Variants in UNC5D observed in about 807,000 individuals in gnomAD.
UNC5D encodes the protein unc-5 netrin receptor D.
UNC5D carries 39 observed loss-of-function variants against 105.4 expected under a neutral mutation model. The ratio of observed to expected loss-of-function variants is 0.37; its 90% CI spans 0.29 to 0.48. The LOEUF (loss-of-function observed/expected upper bound fraction) is 0.48. Ranked by LOEUF, UNC5D falls within the 20% of genes least tolerant of loss-of-function variation. The pLI is 0.98. For missense variants in UNC5D, 991 were observed against 1,202.4 expected (o/e 0.82, Z 2.60); for synonymous variants, 452 against 450.4 (o/e 1.00, Z -0.04).
intron 1 of UNC5D, among the ~76,000 whole-genome samples, chr8:35,547,305 T>TTA (rs398007486): frequency 1.4e-5 from 2 of 147,082 alleles, no homozygotes; most frequent in African/African-American, 2.6e-5. Context: ...TTTTTTTTTT[T>TTA]AATTGAGACA....
At chr8:35,710,025 G>C (rs1456200372) in intron 8 of UNC5D, among the ~76,000 whole-genome samples, 3 of 152,312 alleles carry the variant, frequency 2.0e-5, no homozygotes, top group Admixed American at 2.0e-4. Flanking sequence ...AAACCATTCA[G>C]GGCTTTTATT....
At chr8:35,380,317 C>A (rs534201617) in intron 1 of UNC5D, among the ~76,000 whole-genome samples, 1 of 151,488 alleles carries the variant, frequency 6.6e-6, no homozygotes, top group East Asian at 2.0e-4. Context: ...TGCATTTAAA[C>A]CTAATTATTT....
At chr8:35,669,002 G>A (rs543302909) in intron 4 of UNC5D, among the ~76,000 whole-genome samples, 1 of 151,686 alleles carries the variant, frequency 6.6e-6, no homozygotes. Context: ...CTTTTCTTCA[G>A]TGGTGTGTCC....
intron 1 of UNC5D, among the ~76,000 whole-genome samples, chr8:35,261,497 T>C (rs1253102287): frequency 6.6e-6 from 1 of 152,152 alleles, no homozygotes; most frequent in African/African-American, 2.4e-5. Flanking sequence ...ATAAATAGAA[T>C]CCAAAAGGTA....
At chr8:35,778,445 C>T (rs1179057372) in intron 16 of UNC5D, among the ~76,000 whole-genome samples, 2 of 152,122 alleles carry the variant, frequency 1.3e-5, no homozygotes, top group Admixed American at 6.6e-5. Context: ...CTTATGAGTC[C>T]AAATAATGTA....
chr8:35,413,945 T>C (rs573246020), intron 1 of UNC5D, among the ~76,000 whole-genome samples: 8 of 152,242 alleles, frequency 5.3e-5, no homozygotes, highest in African/African-American at 1.9e-4. Context: ...ACAACCATCT[T>C]GAGGGCTTTT....
chr8:35,692,522 GTT>G (rs1318380203), intron 7 of UNC5D, among the ~76,000 whole-genome samples: 1 of 152,076 alleles, frequency 6.6e-6, no homozygotes, highest in Non-Finnish European at 1.5e-5. Context: ...TACTTCTTTT[GTT>G]TATGGGATTA....
intron 1 of UNC5D, among the ~76,000 whole-genome samples, chr8:35,546,562 G>A (rs1815697188): frequency 6.6e-6 from 1 of 152,170 alleles, no homozygotes; most frequent in African/African-American, 2.4e-5. Context: ...TTATCAAGTG[G>A]TCCTTTTATG....
intron 1 of UNC5D, among the ~76,000 whole-genome samples, chr8:35,443,053 T>A (rs1046936319): frequency 4.6e-5 from 7 of 151,838 alleles, no homozygotes; most frequent in Non-Finnish European, 4.4e-5. Flanking sequence ...CAACCAGTAA[T>A]TCAGAGAGGA....
chr8:35,400,225 C>CT (rs200437199), intron 1 of UNC5D, among the ~76,000 whole-genome samples: 63 of 148,168 alleles, frequency 4.3e-4, no homozygotes, highest in African/African-American at 7.9e-4. Context: ...AGTTGAGATC[C>CT]TTTTTTTTTT....
chr8:35,650,809 A>G (rs1374718416), intron 4 of UNC5D, among the ~76,000 whole-genome samples: 1 of 152,202 alleles, frequency 6.6e-6, no homozygotes, highest in Non-Finnish European at 1.5e-5. Flanking sequence ...CTGGGCCAGT[A>G]CAGAGAAGGC....
chr8:35,734,364 C>G (rs930359381), intron 11 of UNC5D, among the ~76,000 whole-genome samples: 4 of 133,912 alleles, frequency 3.0e-5, no homozygotes, highest in Admixed American at 7.3e-5. Flanking sequence ...AAAAAAAAAG[C>G]CTGTCTCATT....
intron 1 of UNC5D, among the ~76,000 whole-genome samples, chr8:35,464,340 T>C (rs1476458898): frequency 6.6e-6 from 1 of 151,690 alleles, no homozygotes; most frequent in Admixed American, 6.6e-5. Flanking sequence ...AGAATAATAA[T>C]AATAATAAAA....
Position 35,790,515 on chromosome 8 carries a change from C to T in UNC5D, c.2814C>T (p.Ser938=). 7 of 1,613,864 alleles carry T rather than the reference C, an allele frequency of 4.3e-6. No homozygotes were observed. Among genetic ancestry groups the T allele is most frequent in the Non-Finnish European group, 5.9e-6 (7 of 1,179,858 alleles). The stretch of plus-strand genomic sequence containing the variant: ...CGAAACTCTCAAACATTTCAGAATC[C>T]CAGCTTGATGAAGCCGACTTCAACT... The part of the protein sequence containing the change: ...THTKLSNISE[S]QLDEADFNYS... The change falls in exon 17 of 17, where the codon TCC becomes TCT. Residue 938 remains serine (S), a synonymous_variant. Coordinates refer to ENST00000404895, the MANE Select transcript of UNC5D (RefSeq NM_080872.4).
intron 1 of UNC5D, chr8:35,525,491 T>C (rs569238114): frequency 1.2e-6 from 2 of 1,612,212 alleles, no homozygotes. Context: ...TCTCTGTCCG[T>C]GCTTTGCTGG....
At chr8:35,561,129 G>A (rs1371251142) in intron 2 of UNC5D, among the ~76,000 whole-genome samples, 2 of 152,116 alleles carry the variant, frequency 1.3e-5, no homozygotes, top group African/African-American at 4.8e-5. Flanking sequence ...CAACTTGCCT[G>A]TGAGTTTGCC....
rs116873658 is a variant in UNC5D at position 35,620,348 on chromosome 8, G to C, written c.570+24691G>C. The stretch of plus-strand genomic sequence containing the variant: ...TGTTAAAGGCAAACAAAGGAGAGTT[G>C]AGTTTTGTCATCATTGTCTCCATGA... On this transcript the variant is annotated intron_variant, in intron 4 of 16. Transcript: ENST00000404895. Among the ~76,000 whole-genome samples, 501 of 152,302 alleles carry C rather than the reference G, an allele frequency of 3.3e-3. 4 individuals are homozygous for C. Among genetic ancestry groups the C allele is most frequent in the Admixed American group, 5.8e-3 (88 of 15,302 alleles).
intron 4 of UNC5D, among the ~76,000 whole-genome samples, chr8:35,632,442 G>A (rs1301649910): frequency 6.6e-6 from 1 of 152,308 alleles, no homozygotes; most frequent in East Asian, 1.9e-4. Flanking sequence ...GAGGAAGGGG[G>A]CCTGGGCCCT....
intron 1 of UNC5D, among the ~76,000 whole-genome samples, chr8:35,517,968 G>T (rs767481949): frequency 2.6e-5 from 4 of 152,080 alleles, no homozygotes; most frequent in African/African-American, 7.2e-5. Context: ...ATTCATGAAG[G>T]CAGAGCACTT....
Sources: gnomAD v4.1 joint callset for allele counts (sites outside exome capture counted in the v4.1 genomes callset) on GRCh38, gnomAD v4.1.1 for gene constraint, MANE v1.5 for transcripts, NCBI Gene and HGNC (gene_info 2026-07-23, HGNC 2026-07-21) for gene names.